The following KBTBD11 variants were observed in gnomAD, a reference collection of about 807,000 sequenced individuals.
The protein encoded by KBTBD11 is kelch repeat and BTB domain containing 11, also known as kelch repeat and BTB domain-containing protein 11.
For synonymous variants in KBTBD11, 747 were observed against 499.0 expected (o/e 1.50, Z -6.63); for missense variants, 1,390 against 1,001.8 (o/e 1.39, Z -5.23).
chr8:1,985,959 G>A (rs1309958717), intron 1 of KBTBD11, among the ~76,000 whole-genome samples: 1 of 152,196 alleles, frequency 6.6e-6, no homozygotes, highest in Non-Finnish European at 1.5e-5. Flanking sequence ...ACACTCCCGC[G>A]TGGCAATTGC....
rs1019280910 is a variant in KBTBD11, at chr8:2,002,365, C to G, written c.1173C>G (p.Ser391Arg). 1 of 1,475,614 alleles carries G rather than the reference C, an allele frequency of 6.8e-7. No homozygotes were observed. The highest frequency in any genetic ancestry group is 1.3e-5 in the South Asian group (1 of 79,078). The allele number at this position is 1,475,614 out of a possible 1,614,324, so 91.4% of individuals were successfully genotyped here. The change falls in exon 2 of 2, where the codon AGC (serine) becomes AGG (arginine). Residue 391 changes from serine (S) to arginine (R), a missense_variant. Coordinates refer to ENST00000320248, the MANE Select transcript of KBTBD11 (RefSeq NM_014867.3). This position sits in a 1 kb window ranked among gnomAD's most constrained non-coding sequence, Gnocchi z 4.1. ...QVFCYNPATD[S>R]WSAVRPLRQA... ...TCTGCTACAACCCGGCCACGGACAG[C>G]TGGAGCGCCGTGAGGCCCCTGCGCC...
chr8:1,997,794 G>T (rs1308752204), intron 1 of KBTBD11, among the ~76,000 whole-genome samples: 3 of 152,236 alleles, frequency 2.0e-5, no homozygotes, highest in Non-Finnish European at 4.4e-5. Flanking sequence ...GTGCGACGCT[G>T]TACCATGTTG....
In KBTBD11 at chr8:1,993,034, G is replaced by A. The variant is rs1816975091; in HGVS notation, c.-908-7251G>A. ...CTCACTGCAGCCTTGACCTCTCCCG[G>A]GCTCAAGTGATCCTCTGACCCCAGC... On this transcript the variant is annotated intron_variant, in intron 1 of 1. Transcript: ENST00000320248. Among the ~76,000 whole-genome samples the A allele has an allele frequency of 2.6e-5, 4 of 151,984 alleles. No homozygotes were observed. In the South Asian group the frequency reaches 8.3e-4, roughly 32 times the overall value.
At position 1,976,768 on chromosome 8, in the gene KBTBD11, G is replaced by A. The variant is rs145679829; in HGVS notation, c.-909+2833G>A. Among the ~76,000 whole-genome samples, 27 of 152,310 alleles carry A rather than the reference G, an allele frequency of 1.8e-4. No individual in the cohort carries two copies. In the South Asian group the frequency reaches 4.1e-3, roughly 23 times the overall value. On this transcript the variant is annotated intron_variant, in intron 1 of 1. Transcript: ENST00000320248. ...GAGGAATACATTCCCTTGAATGCAC[G>A]TAACAGAGGAATGTTAGGCCGAGAA... is the stretch of plus-strand genomic sequence containing the variant.
chr8:2,004,751 CAG>C lies in KBTBD11; in HGVS notation c.*1689_*1690del, dbSNP rs1817520839. The stretch of plus-strand genomic sequence containing the variant: ...GGTTAATCATCTTGGGAAAGAAAAA[CAG>C]ACTTCATATCGCCTGACTTGATTGG... On this transcript the variant is annotated 3_prime_UTR_variant, in exon 2 of 2. Coordinates refer to ENST00000320248, the MANE Select transcript of KBTBD11 (RefSeq NM_014867.3). 6.0e-6 allele frequency: 1 copy of C among 167,056 alleles called. No individual in the cohort carries two copies. Among genetic ancestry groups the C allele is most frequent in the African/African-American group, 2.4e-5 (1 of 41,436 alleles). 10.3% of individuals were successfully genotyped at this position (167,056 alleles called of 1,614,324 possible).
intron 1 of KBTBD11, among the ~76,000 whole-genome samples, chr8:1,985,391 G>C (rs1426303912): frequency 6.6e-6 from 1 of 152,256 alleles, no homozygotes; most frequent in Non-Finnish European, 1.5e-5. Context: ...ACTGTCTCAT[G>C]CGCTTAGGGG....
rs60984627 is a variant in KBTBD11, at chr8:1,992,741, G to T, written c.-908-7544G>T. Among the ~76,000 whole-genome samples the T allele has an allele frequency of 2.0e-5, 3 of 152,004 alleles. No individual in the cohort carries two copies. In the East Asian group the frequency reaches 5.8e-4, roughly 29 times the overall value. ...GATTATAAAAGCAGCATATATTTTA[G>T]AAAATATTGAAACTCAGCATTTTAT... is the stretch of plus-strand genomic sequence containing the variant. On this transcript the variant is annotated intron_variant, in intron 1 of 1. Coordinates refer to ENST00000320248, the MANE Select transcript of KBTBD11 (RefSeq NM_014867.3).
chr8:1,988,436 A>C (rs747058017), intron 1 of KBTBD11, among the ~76,000 whole-genome samples: 9 of 152,176 alleles, frequency 5.9e-5, no homozygotes, highest in Non-Finnish European at 1.3e-4. Flanking sequence ...AACTGGTGTG[A>C]GATGGTACCT....
At chr8:1,974,738 C>G (rs1020052813) in intron 1 of KBTBD11, 2 of 983,740 alleles carry the variant, frequency 2.0e-6, no homozygotes, top group Non-Finnish European at 2.4e-6. Context: ...GGGGCTCATT[C>G]TGGAGCATGA....
At chr8:1,983,711 A>G (rs1275752702) in intron 1 of KBTBD11, among the ~76,000 whole-genome samples, 1 of 152,250 alleles carries the variant, frequency 6.6e-6, no homozygotes, top group Admixed American at 6.5e-5. Context: ...AAATAAGACC[A>G]TGAATGTTGA....
intron 1 of KBTBD11, 117 bp downstream of exon 1, chr8:1,974,052 C>A (rs976250852): frequency 3.4e-6 from 2 of 589,660 alleles, no homozygotes; most frequent in African/African-American, 2.2e-5. Context: ...CGGCAGTAGG[C>A]GGGAGGGGAG....
Position 1,994,666 on chromosome 8 carries a change from G to A in KBTBD11, c.-908-5619G>A, listed in dbSNP as rs1817064661. Among the ~76,000 whole-genome samples, 3 of 152,366 alleles carry A rather than the reference G, an allele frequency of 2.0e-5. No individual in the cohort carries two copies. The South Asian group carries it at 6.2e-4, about 32-fold the overall frequency. On this transcript the variant is annotated intron_variant, in intron 1 of 1. Coordinates refer to ENST00000320248, the MANE Select transcript of KBTBD11 (RefSeq NM_014867.3). ...TGTAGCACACACCAGAACAGTGCCTGGCAAAATAGACGCCCGCTGCTCTGT... is the reference window on the plus strand; with the variant it reads ...TGTAGCACACACCAGAACAGTGCCTAGCAAAATAGACGCCCGCTGCTCTGT...
Position 2,002,729 on chromosome 8 carries a change from G to A in KBTBD11, c.1537G>A (p.Glu513Lys), listed in dbSNP as rs1008369931. ...CTTCGATCTGAGCGGCAGCCGCGGC[G>A]AGGCGCAGGCGGCGGGGCCGAGCGG... ...YRFDLSGSRG[E>K]AQAAGPSGVS... Residue 513 changes from glutamate to lysine, a missense_variant, in exon 2 of 2, where the codon GAG (glutamate) becomes AAG (lysine). Glu to Lys is a moderately conservative substitution (Grantham distance 56). Transcript: ENST00000320248. The surrounding 1 kb of genome is among the most constrained non-coding windows in gnomAD (Gnocchi z 4.1). 1.3e-6 allele frequency: 2 copies of A among 1,509,470 alleles called. No individual in the cohort carries two copies. The highest frequency in any genetic ancestry group is 1.4e-5 in the African/African-American group (1 of 69,826). The allele number at this position is 1,509,470 out of a possible 1,614,324, so 93.5% of individuals were successfully genotyped here.
At chr8:1,989,504 G>C (rs1334670859) in intron 1 of KBTBD11, among the ~76,000 whole-genome samples, 1 of 152,170 alleles carries the variant, frequency 6.6e-6, no homozygotes, top group Non-Finnish European at 1.5e-5. Context: ...GTCCATGCAG[G>C]TGTATCGTCG....
At chr8:1,979,906 C>T (rs1323782201) in intron 1 of KBTBD11, among the ~76,000 whole-genome samples, 1 of 152,214 alleles carries the variant, frequency 6.6e-6, no homozygotes, top group Non-Finnish European at 1.5e-5. Context: ...AGTCCCTCTT[C>T]CTTTCCATGG....
intron 1 of KBTBD11, among the ~76,000 whole-genome samples, chr8:1,978,258 G>T (rs544171963): frequency 1.3e-4 from 20 of 152,310 alleles, no homozygotes; most frequent in African/African-American, 4.6e-4. Flanking sequence ...TTGGTTTTCT[G>T]TTCCTGTATT....
At chr8:1,987,517 C>T (rs1253897478) in intron 1 of KBTBD11, among the ~76,000 whole-genome samples, 1 of 152,138 alleles carries the variant, frequency 6.6e-6, no homozygotes, top group Non-Finnish European at 1.5e-5. Flanking sequence ...GGTGACCGGG[C>T]CCTTGTGCTG....
chr8:1,974,666 A>T (rs1295734179), intron 1 of KBTBD11: 4 of 985,028 alleles, frequency 4.1e-6, no homozygotes, highest in Admixed American at 6.2e-5. Flanking sequence ...CCCCCGCCCC[A>T]TGTGCTGGGG....
chr8:1,996,291 G>A (rs926991843), intron 1 of KBTBD11, among the ~76,000 whole-genome samples: 3 of 152,016 alleles, frequency 2.0e-5, no homozygotes, highest in African/African-American at 7.2e-5. Context: ...TTTTGGACGG[G>A]GTTTCACTCT....
Sources: allele counts gnomAD v4.1 joint callset (sites outside exome capture counted in the v4.1 genomes callset), GRCh38; gene constraint gnomAD v4.1.1; non-coding constraint Gnocchi (gnomAD v3.1); transcripts MANE v1.5; gene names NCBI Gene and HGNC (gene_info 2026-07-23, HGNC 2026-07-21).